The following CEACAM5 variants were observed in gnomAD, a reference collection of about 807,000 sequenced individuals.
CEACAM5 encodes the protein CEA cell adhesion molecule 5, also known as cell adhesion molecule CEACAM5.
CEACAM5 carries 52 observed loss-of-function variants against 63.0 expected under a neutral mutation model. The observed-to-expected ratio is 0.83, with a 90% CI of 0.66 to 1.04. The LOEUF is 1.04. Ranked by LOEUF, CEACAM5 falls within the 50% of genes least tolerant of loss-of-function variation. The pLI is 0.00. For synonymous variants in CEACAM5, 357 were observed against 351.3 expected, an observed-to-expected ratio of 1.02 and a Z score of -0.18; for missense variants, 790 against 864.8, an observed-to-expected ratio of 0.91 and a Z score of 1.08.
intron 8 of CEACAM5, among the ~76,000 whole-genome samples, chr19:41,724,939 A>G (rs1265149679): frequency 6.6e-6 from 1 of 152,078 alleles, no homozygotes; most frequent in African/African-American, 2.4e-5. Flanking sequence ...TCCAATTTGG[A>G]TGTCTTTTTT....
rs782418714 is a variant in CEACAM5, at chr19:41,717,687, C to T, written c.1191C>T (p.Asn397=). ...GACCCTATGAGTGTGGAATCCAGAA[C>T]GAATTAAGTGTTGACCACAGCGACC... is the stretch of plus-strand genomic sequence containing the variant. ...DVGPYECGIQ[N]ELSVDHSDPV... Residue 397 remains asparagine, a synonymous_variant, in exon 5 of 10, where the codon AAC becomes AAT. Coordinates refer to ENST00000221992, the MANE Select transcript of CEACAM5 (RefSeq NM_004363.6). 6.1e-5 allele frequency: 98 copies of T among 1,614,062 alleles called. No homozygotes were observed. The Middle Eastern group carries it at 8.2e-4, about 14-fold the overall frequency.
intron 2 of CEACAM5, among the ~76,000 whole-genome samples, chr19:41,714,187 C>A (rs989467874): frequency 2.0e-5 from 3 of 152,142 alleles, no homozygotes; most frequent in Admixed American, 2.0e-4. Flanking sequence ...GCCAACACAG[C>A]AAGACTCCAT....
At chr19:41,715,623 C>G in intron 3 of CEACAM5, 27 bp from the exon 4 acceptor site, 1 of 1,613,332 alleles carries the variant, frequency 6.2e-7, no homozygotes, top group Non-Finnish European at 8.5e-7. Context: ...GACAATATCA[C>G]CTGTGGCTTT....
Position 41,708,654 on chromosome 19 carries a change from G to A in CEACAM5, c.-78G>A. On this transcript the variant is annotated 5_prime_UTR_variant, in exon 1 of 10. Coordinates refer to ENST00000221992, the MANE Select transcript of CEACAM5 (RefSeq NM_004363.6). ...GGGAGGAAGGACAGCAGACCAGACA[G>A]TCACAGCAGCCTTGACAAAACGTTC... 2 of 1,312,750 alleles carry A rather than the reference G, an allele frequency of 1.5e-6. No individual in the cohort carries two copies. Among genetic ancestry groups the A allele is most frequent in the Non-Finnish European group, 2.2e-6 (2 of 923,752 alleles). 81.3% of individuals were successfully genotyped at this position (1,312,750 alleles called of 1,614,324 possible). A position where few individuals can be genotyped will look rare whatever the true frequency, so the allele number is the denominator to read the frequency against.
chr19:41,711,331 G>A (rs1481259167), intron 2 of CEACAM5, among the ~76,000 whole-genome samples: 1 of 152,172 alleles, frequency 6.6e-6, no homozygotes, highest in Non-Finnish European at 1.5e-5. Context: ...AAGGATAAAG[G>A]AAAGGACTTC....
chr19:41,727,369 T>C lies in CEACAM5; in HGVS notation c.*36+17T>C, dbSNP rs544333947. The C allele has an allele frequency of 1.1e-5, 14 of 1,255,394 alleles. No individual in the cohort carries two copies. Among genetic ancestry groups the C allele is most frequent in the Middle Eastern group, 1.9e-4 (1 of 5,268 alleles). 77.8% of individuals were successfully genotyped at this position (1,255,394 alleles called of 1,614,324 possible). A position where few individuals can be genotyped will look rare whatever the true frequency, so the allele number is the denominator to read the frequency against. On this transcript the variant is annotated intron_variant, in intron 9 of 9. Transcript: ENST00000221992. ...GGAAGACTGGTAGGTATAATGGCCT[T>C]TCCTCTTGTTCTGTTTCCTGCAGTG... is the stretch of plus-strand genomic sequence containing the variant.
intron 8 of CEACAM5, among the ~76,000 whole-genome samples, chr19:41,723,355 C>T (rs2072654436): frequency 6.6e-6 from 1 of 152,132 alleles, no homozygotes; most frequent in South Asian, 2.1e-4. Context: ...TGTGGCCATC[C>T]TGATGTGTGT....
chr19:41,715,598 C>A (rs1395821371), intron 3 of CEACAM5, 52 bp from the exon 4 acceptor site: 1 of 1,606,550 alleles, frequency 6.2e-7, no homozygotes, highest in Admixed American at 1.7e-5. Context: ...AGACCAGGAA[C>A]TTCCACTTCC....
At chr19:41,716,733 A>C (rs73932037) in intron 4 of CEACAM5, among the ~76,000 whole-genome samples, 3,446 of 152,330 alleles carry the variant, frequency 0.023, 119 homozygotes, top group African/African-American at 0.077. Flanking sequence ...TCGTGTGTTT[A>C]TACAGATGGT....
intron 2 of CEACAM5, among the ~76,000 whole-genome samples, chr19:41,712,505 G>T (rs1555814238): frequency 6.6e-6 from 1 of 152,230 alleles, no homozygotes; most frequent in Non-Finnish European, 1.5e-5. Context: ...ACTAGGGGCA[G>T]GGAGCGCTTT....
chr19:41,729,517 T>G lies in CEACAM5; in HGVS notation c.*370T>G, dbSNP rs1440665442. 1 of 152,160 alleles carries G rather than the reference T, an allele frequency of 6.6e-6. No individual in the cohort carries two copies. Among genetic ancestry groups the G allele is most frequent in the African/African-American group, 2.4e-5 (1 of 41,418 alleles). The allele number at this position is 152,160 out of a possible 1,614,324, so 9.4% of individuals were successfully genotyped here. A position where few individuals can be genotyped will look rare whatever the true frequency, so the allele number is the denominator to read the frequency against. ...AAGAAAAGAAGACTCTGACCTGTACTCTTGAATACAAGTTTCTGATACCAC... is the reference window on the plus strand; with the variant it reads ...AAGAAAAGAAGACTCTGACCTGTACGCTTGAATACAAGTTTCTGATACCAC... On this transcript the variant is annotated 3_prime_UTR_variant, in exon 10 of 10. Coordinates refer to ENST00000221992, the MANE Select transcript of CEACAM5 (RefSeq NM_004363.6).
At chr19:41,725,409 A>G (rs2072686458) in intron 8 of CEACAM5, among the ~76,000 whole-genome samples, 1 of 148,972 alleles carries the variant, frequency 6.7e-6, no homozygotes, top group Non-Finnish European at 1.5e-5. Flanking sequence ...TCTGTAGCCC[A>G]GCACAAGCTA....
At position 41,710,039 on chromosome 19, in the gene CEACAM5, C is replaced by G. The variant is rs1555813807; in HGVS notation, c.424C>G (p.Pro142Ala). Residue 142 changes from proline (P) to alanine (A), a missense_variant and splice_region_variant, in exon 2 of 10, where the codon CCG becomes GCG. Pro to Ala is a conservative substitution (Grantham distance 27). Transcript: ENST00000221992. ...AGCAACTGGCCAGTTCCGGGTATAC[C>G]GTGAGTGATTCCCCCATGACCTCTG... ...EEATGQFRVYPELPKPSISSN... is the reference protein window; with the variant it reads ...EEATGQFRVYAELPKPSISSN... The G allele has an allele frequency of 6.3e-7, 1 of 1,593,492 alleles. No homozygotes were observed. Among genetic ancestry groups the G allele is most frequent in the Non-Finnish European group, 8.5e-7 (1 of 1,169,694 alleles).
rs146319665 is a variant in CEACAM5, at chr19:41,720,179, G to A, written c.1742G>A (p.Arg581His). 705 of 1,614,074 alleles carry A rather than the reference G, an allele frequency of 4.4e-4. No homozygotes were observed. The highest frequency in any genetic ancestry group is 5.4e-4 in the Non-Finnish European group (639 of 1,179,996). ...CGIQNSVSAN[R>H]SDPVTLDVLY... ...ATCCAGAACTCAGTGAGTGCAAACCGCAGTGACCCAGTCACCCTGGATGTC... is the reference window on the plus strand; with the variant it reads ...ATCCAGAACTCAGTGAGTGCAAACCACAGTGACCCAGTCACCCTGGATGTC... The change falls in exon 7 of 10, where the codon CGC becomes CAC. Residue 581 changes from arginine (R) to histidine (H), a missense_variant. Coordinates refer to ENST00000221992, the MANE Select transcript of CEACAM5 (RefSeq NM_004363.6).
rs1392851164 is a variant in CEACAM5 at position 41,729,527 on chromosome 19, A to G, written c.*380A>G. ...GACTCTGACCTGTACTCTTGAATAC[A>G]AGTTTCTGATACCACTGCACTGTCT... On this transcript the variant is annotated 3_prime_UTR_variant, in exon 10 of 10. Coordinates refer to ENST00000221992, the MANE Select transcript of CEACAM5 (RefSeq NM_004363.6). 6.6e-6 allele frequency: 1 copy of G among 152,198 alleles called. No individual in the cohort carries two copies. Among genetic ancestry groups the G allele is most frequent in the Non-Finnish European group, 1.5e-5 (1 of 68,040 alleles). 9.4% of individuals were successfully genotyped at this position (152,198 alleles called of 1,614,324 possible).
chr19:41,725,706 C>G (rs1490179100), intron 8 of CEACAM5, among the ~76,000 whole-genome samples: 1 of 152,146 alleles, frequency 6.6e-6, no homozygotes, highest in Non-Finnish European at 1.5e-5. Context: ...TGAATCTTCT[C>G]TCTTTTTTCT....
intron 9 of CEACAM5, among the ~76,000 whole-genome samples, chr19:41,728,854 C>T (rs947722400): frequency 3.3e-5 from 5 of 150,574 alleles, no homozygotes; most frequent in Non-Finnish European, 4.4e-5. Context: ...ACTTTGTTGG[C>T]CCTGTTCATT....
intron 2 of CEACAM5, among the ~76,000 whole-genome samples, chr19:41,713,315 A>C (rs1555814349): frequency 6.6e-6 from 1 of 151,680 alleles, no homozygotes; most frequent in Admixed American, 6.5e-5. Context: ...AAAAAAAGAA[A>C]AAGAAAGAAA....
chr19:41,715,788 C>A lies in CEACAM5; in HGVS notation c.842C>A (p.Thr281Asn). The A allele has an allele frequency of 6.2e-7, 1 of 1,614,218 alleles. No homozygotes were observed. The highest frequency in any genetic ancestry group is 1.3e-5 in the African/African-American group (1 of 75,058). Reference sequence around the variant, plus strand: ...GTCAATGGGACTTTCCAGCAATCCACCCAAGAGCTCTTTATCCCCAACATC... The same window carrying A: ...GTCAATGGGACTTTCCAGCAATCCAACCAAGAGCTCTTTATCCCCAACATC... ...WFVNGTFQQS[T>N]QELFIPNITV... Residue 281 changes from threonine (T) to asparagine (N), a missense_variant, in exon 4 of 10, where the codon ACC becomes AAC. Coordinates refer to ENST00000221992, the MANE Select transcript of CEACAM5 (RefSeq NM_004363.6).
Sources: allele counts gnomAD v4.1 joint callset (sites outside exome capture counted in the v4.1 genomes callset), GRCh38; gene constraint gnomAD v4.1.1; transcripts MANE v1.5; gene names NCBI Gene and HGNC (gene_info 2026-07-23, HGNC 2026-07-21).